The following HIPK3 variants were observed in gnomAD, a reference collection of about 807,000 sequenced individuals.
The protein encoded by HIPK3 is homeodomain-interacting protein kinase 3.
HIPK3 carries 47 observed loss-of-function variants against 124.2 expected under a neutral mutation model. That is an observed-to-expected ratio of 0.38 (90% confidence interval 0.30 to 0.48). The LOEUF is 0.48. Among genes scored for constraint, HIPK3 ranks in the 20% least tolerant of loss-of-function variants. The probability of loss-of-function intolerance (pLI) is 0.98; values close to 1 mark genes in which losing one functional copy is unlikely to be tolerated. For missense variants in HIPK3, 1,286 were observed against 1,454.3 expected (o/e 0.88, Z 1.88); for synonymous variants, 482 against 515.2 (o/e 0.94, Z 0.87).
In HIPK3 at chr11:33,338,765, A is replaced by G. The variant is rs1034640054; in HGVS notation, c.1350A>G (p.Glu450=). 3.7e-6 allele frequency: 6 copies of G among 1,606,912 alleles called. No individual in the cohort carries two copies. The highest frequency in any genetic ancestry group is 5.1e-6 in the Non-Finnish European group (6 of 1,174,244). The part of the protein sequence containing the change: ...SHSGWRLKTL[E]EHEAETGMKS... ...TTGATATATGCAATAAGACATTGGA[A>G]GAGCATGAGGCAGAGACAGGAATGA... The change falls in exon 5 of 17, where the codon GAA becomes GAG. Residue 450 remains glutamate, a synonymous_variant. Coordinates refer to ENST00000303296, the MANE Select transcript of HIPK3 (RefSeq NM_005734.5).
chr11:33,289,656 G>A (rs1246068898), intron 2 of HIPK3, among the ~76,000 whole-genome samples: 2 of 152,082 alleles, frequency 1.3e-5, no homozygotes, highest in African/African-American at 4.8e-5. Context: ...TCATTTCTTT[G>A]TGTTACAAAC....
In HIPK3 at chr11:33,351,751, A is replaced by T. The variant is rs531724493; in HGVS notation, c.2951A>T (p.Asp984Val). The change falls in exon 15 of 17, where the codon GAC (aspartate) becomes GTC (valine). Residue 984 changes from aspartate to valine, a missense_variant. Coordinates refer to ENST00000303296, the MANE Select transcript of HIPK3 (RefSeq NM_005734.5). Reference sequence around the variant, plus strand: ...AACACAGAATTGGTATCCTCTGCTGACACAGAAACCAAGCCAGCTGTCTGT... The same window carrying T: ...AACACAGAATTGGTATCCTCTGCTGTCACAGAAACCAAGCCAGCTGTCTGT... ...HENTELVSSADTETKPAVCSV... is the reference protein window; with the variant it reads ...HENTELVSSAVTETKPAVCSV... The T allele has an allele frequency of 6.2e-6, 10 of 1,614,100 alleles. No homozygotes were observed. Among genetic ancestry groups the T allele is most frequent in the Non-Finnish European group, 8.5e-6 (10 of 1,180,042 alleles).
chr11:33,262,566 T>C (rs1306865958), intron 1 of HIPK3, among the ~76,000 whole-genome samples: 1 of 152,196 alleles, frequency 6.6e-6, no homozygotes. Context: ...TGTCAATATG[T>C]ATTGTATTTT....
rs1432924026 is a variant in HIPK3 at position 33,290,639 on chromosome 11, TC to T, written c.1097+3129del. On this transcript the variant is annotated intron_variant, in intron 2 of 16. Coordinates refer to ENST00000303296, the MANE Select transcript of HIPK3 (RefSeq NM_005734.5). The stretch of plus-strand genomic sequence containing the variant: ...TTTCCACTAGAGTTAAAAAAAAAAG[TC>T]TTTTTTTTTTTTAATACTTGAGAAT... Among the ~76,000 whole-genome samples the T allele has an allele frequency of 6.5e-5, 8 of 123,014 alleles. 1 individual carries two copies. Among genetic ancestry groups the T allele is most frequent in the Non-Finnish European group, 1.7e-5 (1 of 59,134 alleles). The allele number at this position is 123,014 out of a possible 152,430, so 80.7% of individuals were successfully genotyped here.
intron 2 of HIPK3, among the ~76,000 whole-genome samples, chr11:33,293,008 AT>A (rs1332160598): frequency 6.6e-6 from 1 of 152,222 alleles, no homozygotes; most frequent in Non-Finnish European, 1.5e-5. Context: ...AAGTGCTGGG[AT>A]TACAGGCGTG....
intron 8 of HIPK3, among the ~76,000 whole-genome samples, chr11:33,346,493 G>C (rs891995358): frequency 2.6e-5 from 4 of 152,180 alleles, no homozygotes; most frequent in South Asian, 2.1e-4. Context: ...ATTAAATTAT[G>C]AAGTTGTGAT....
At chr11:33,297,286 G>T (rs1851867534) in intron 2 of HIPK3, among the ~76,000 whole-genome samples, 1 of 152,054 alleles carries the variant, frequency 6.6e-6, no homozygotes, top group Non-Finnish European at 1.5e-5. Flanking sequence ...TAGAGACGGG[G>T]CTTCGCCATG....
At chr11:33,283,329 C>T (rs1323243424) in intron 1 of HIPK3, among the ~76,000 whole-genome samples, 4 of 152,162 alleles carry the variant, frequency 2.6e-5, no homozygotes, top group Admixed American at 2.6e-4. Context: ...CCAGGATGGT[C>T]TGGATCTCCT....
At chr11:33,258,196 GGGGCCT>G (rs1837039684) in intron 1 of HIPK3, 1 of 635,022 alleles carries the variant, frequency 1.6e-6, no homozygotes, top group Non-Finnish European at 2.0e-6. Context: ...CCGGGGCCCG[GGGGCCT>G]CGGCCCCCCC....
rs1294400582 is a variant in HIPK3 at position 33,347,689 on chromosome 11, G to T, written c.2080G>T (p.Ala694Ser). Reference sequence around the variant, plus strand: ...TGCCTGGCAACAGGTGACACCCCTGGCTCCTGCTACTACTACACTAACTTC... The same window carrying T: ...TGCCTGGCAACAGGTGACACCCCTGTCTCCTGCTACTACTACACTAACTTC... ...VPAWQQVTPL[A>S]PATTTLTSES... The change falls in exon 10 of 17, where the codon GCT (alanine) becomes TCT (serine). Residue 694 changes from alanine to serine, a missense_variant. By Grantham distance (99) the Ala-to-Ser change is moderately conservative. Coordinates refer to ENST00000303296, the MANE Select transcript of HIPK3 (RefSeq NM_005734.5). 6.2e-7 allele frequency: 1 copy of T among 1,614,136 alleles called. No homozygotes were observed. Among genetic ancestry groups the T allele is most frequent in the African/African-American group, 1.3e-5 (1 of 75,034 alleles).
chr11:33,294,146 T>TC (rs1215408408), intron 2 of HIPK3, among the ~76,000 whole-genome samples: 2 of 112,398 alleles, frequency 1.8e-5, no homozygotes, highest in Non-Finnish European at 3.9e-5. Context: ...AGAGCGAGAC[T>TC]CCATCTGAAA....
rs1403452051 is a variant in HIPK3, at chr11:33,355,947, C to T, written c.*2379C>T. 6.6e-6 allele frequency: 1 copy of T among 151,920 alleles called. No individual in the cohort carries two copies. The highest frequency in any genetic ancestry group is 1.5e-5 in the Non-Finnish European group (1 of 67,864). 9.4% of individuals were successfully genotyped at this position (151,920 alleles called of 1,614,324 possible). A position where few individuals can be genotyped will look rare whatever the true frequency, so the allele number is the denominator to read the frequency against. On this transcript the variant is annotated 3_prime_UTR_variant, in exon 17 of 17. Coordinates refer to ENST00000303296, the MANE Select transcript of HIPK3 (RefSeq NM_005734.5). Reference sequence around the variant, plus strand: ...ACTATTTAAGTAAATTTGCTGCCCTCCACAGCCTTCTAATTTTATTTATAT... The same window carrying T: ...ACTATTTAAGTAAATTTGCTGCCCTTCACAGCCTTCTAATTTTATTTATAT...
Position 33,347,335 on chromosome 11 carries a change from G to A in HIPK3, c.1940G>A (p.Arg647Lys). Residue 647 changes from arginine to lysine, a missense_variant, in exon 9 of 17, where the codon AGG becomes AAG. This residue lies in a region of HIPK3 where 810 missense variants were observed against 864.9 expected (regional missense o/e 0.94). Transcript: ENST00000303296. ...THGKPTSYSIRVDNTVPLVTQ... is the reference protein window; with the variant it reads ...THGKPTSYSIKVDNTVPLVTQ... ...GGTAAACCCACCAGTTATTCAATAA[G>A]GGTAGATAATACAGTTCCACTTGTA... The A allele has an allele frequency of 6.2e-7, 1 of 1,613,618 alleles. No homozygotes were observed. Among genetic ancestry groups the A allele is most frequent in the Non-Finnish European group, 8.5e-7 (1 of 1,179,556 alleles).
At chr11:33,274,995 TAA>T (rs1186600140) in intron 1 of HIPK3, among the ~76,000 whole-genome samples, 17 of 152,170 alleles carry the variant, frequency 1.1e-4, no homozygotes, top group Admixed American at 1.1e-3. Context: ...TTTAGTTTAT[TAA>T]GTTTTACAAT....
rs1250009481 is a variant in HIPK3 at position 33,328,513 on chromosome 11, T to C, written c.1101T>C (p.Ala367=). The change falls in exon 3 of 17, where the codon GCT becomes GCC. Residue 367 remains alanine, a synonymous_variant. Coordinates refer to ENST00000303296, the MANE Select transcript of HIPK3 (RefSeq NM_005734.5). ...STYLQSRYYR[A]PEIILGLPFC... Reference sequence around the variant, plus strand: ...TTGTTTTAATTTTAAATTTCAGAGCTCCAGAGATTATATTGGGGTTGCCAT... The same window carrying C: ...TTGTTTTAATTTTAAATTTCAGAGCCCCAGAGATTATATTGGGGTTGCCAT... 4 of 1,612,804 alleles carry C rather than the reference T, an allele frequency of 2.5e-6. No homozygotes were observed. Among genetic ancestry groups the C allele is most frequent in the Non-Finnish European group, 3.4e-6 (4 of 1,179,256 alleles).
chr11:33,266,058 CAAAAAA>C (rs541701602), intron 1 of HIPK3, among the ~76,000 whole-genome samples: 30 of 49,644 alleles, frequency 6.0e-4, no homozygotes, highest in African/African-American at 2.2e-3. Context: ...GACTCCATCT[CAAAAAA>C]AAAAAAAAAA....
At chr11:33,292,940 T>G (rs1851738940) in intron 2 of HIPK3, among the ~76,000 whole-genome samples, 1 of 152,134 alleles carries the variant, frequency 6.6e-6, no homozygotes, top group South Asian at 2.1e-4. Context: ...GATTTCACCG[T>G]GTTAGCCAGG....
At chr11:33,317,855 A>G (rs1852551574) in intron 2 of HIPK3, among the ~76,000 whole-genome samples, 1 of 152,212 alleles carries the variant, frequency 6.6e-6, no homozygotes, top group Non-Finnish European at 1.5e-5. Context: ...ACACCTACTG[A>G]CTAGTAGATG....
intron 2 of HIPK3, among the ~76,000 whole-genome samples, chr11:33,309,882 T>A (rs1390765378): frequency 6.6e-6 from 1 of 152,238 alleles, no homozygotes; most frequent in Non-Finnish European, 1.5e-5. Context: ...TATGGTGAGA[T>A]GTACAGGTGG....
Sources: allele counts gnomAD v4.1 joint callset (sites outside exome capture counted in the v4.1 genomes callset), GRCh38; gene constraint gnomAD v4.1.1; regional missense constraint gnomAD v4.1.1; transcripts MANE v1.5; gene names NCBI Gene and HGNC (gene_info 2026-07-23, HGNC 2026-07-21).